The following GAREM1 variants were observed in gnomAD, a reference collection of about 807,000 sequenced individuals.
The protein encoded by GAREM1 is GRB2-associated and regulator of MAPK protein 1.
In GAREM1, 26 loss-of-function variants were observed where a neutral mutation model predicts 71.3. The observed-to-expected ratio is 0.36, with a 90% CI of 0.27 to 0.51. GAREM1 has a LOEUF of 0.51. Among genes scored for constraint, GAREM1 ranks in the 20% least tolerant of loss-of-function variants. The pLI is 0.95. For missense variants in GAREM1, 1,026 were observed against 1,103.1 expected (o/e 0.93, Z 0.99); for synonymous variants, 440 against 433.2 (o/e 1.02, Z -0.20).
chr18:32,435,788 G>A (rs2048670790), intron 1 of GAREM1, among the ~76,000 whole-genome samples: 1 of 152,220 alleles, frequency 6.6e-6, no homozygotes, highest in African/African-American at 2.4e-5. Context: ...TGGGAGGGGT[G>A]AAAGGCAGGT....
chr18:32,431,126 G>C (rs1415975480), intron 1 of GAREM1, among the ~76,000 whole-genome samples: 2 of 152,178 alleles, frequency 1.3e-5, no homozygotes, highest in African/African-American at 2.4e-5. Flanking sequence ...TGGTTACTGA[G>C]TGGTGCACAC....
In GAREM1 at chr18:32,332,986, A is replaced by AT. The variant is rs1471139413; in HGVS notation, c.263-22664_263-22663insA. ...GGAGAGGAGGGTGCCGTTAGGGGAG[A>AT]ATTTTTTTTTTTTCTTTAGAGAAGC... On this transcript the variant is annotated intron_variant, in intron 2 of 5. Coordinates refer to ENST00000269209, the MANE Select transcript of GAREM1 (RefSeq NM_001242409.2). 1.4e-3 allele frequency among the ~76,000 whole-genome samples: 204 copies of AT among 149,442 alleles called. 1 individual carries two copies. Among genetic ancestry groups the AT allele is most frequent in the African/African-American group, 4.8e-3 (193 of 39,992 alleles).
chr18:32,384,118 C>T (rs374330884), intron 2 of GAREM1, among the ~76,000 whole-genome samples: 1 of 152,156 alleles, frequency 6.6e-6, no homozygotes, highest in East Asian at 1.9e-4. Context: ...AACTTTACCC[C>T]CCTTTAATAA....
intron 2 of GAREM1, among the ~76,000 whole-genome samples, chr18:32,339,576 A>C (rs1328411703): frequency 2.6e-5 from 4 of 152,208 alleles, no homozygotes; most frequent in African/African-American, 7.2e-5. Flanking sequence ...CACCTACAGC[A>C]TCCACTTTGT....
chr18:32,414,444 G>C (rs148891759), intron 1 of GAREM1, among the ~76,000 whole-genome samples: 1 of 151,672 alleles, frequency 6.6e-6, no homozygotes, highest in African/African-American at 2.4e-5. Context: ...GAAGTATGTG[G>C]TTACATAAAA....
chr18:32,376,907 C>G (rs2048035670), intron 2 of GAREM1, among the ~76,000 whole-genome samples: 1 of 152,112 alleles, frequency 6.6e-6, no homozygotes, highest in Non-Finnish European at 1.5e-5. Context: ...AAAACACTAG[C>G]AACAGCTGCA....
At chr18:32,404,734 AT>A (rs1418805664) in intron 1 of GAREM1, among the ~76,000 whole-genome samples, 1 of 152,234 alleles carries the variant, frequency 6.6e-6, no homozygotes, top group Non-Finnish European at 1.5e-5. Context: ...TTTTTAAAGA[AT>A]GTTTTTATTC....
At chr18:32,378,064 G>GCA (rs1567986710) in intron 2 of GAREM1, among the ~76,000 whole-genome samples, 5 of 123,756 alleles carry the variant, frequency 4.0e-5, no homozygotes, top group African/African-American at 1.7e-4. Context: ...GTGTGCGCGC[G>GCA]GGCGCTTTGG....
At chr18:32,418,521 A>C (rs2048487004) in intron 1 of GAREM1, among the ~76,000 whole-genome samples, 1 of 152,198 alleles carries the variant, frequency 6.6e-6, no homozygotes, top group South Asian at 2.1e-4. Context: ...TAAAATCACC[A>C]AGAATTAACT....
rs560320702 is a variant in GAREM1 at position 32,347,766 on chromosome 18, A to G, written c.263-37443T>C. 4.3e-4 allele frequency among the ~76,000 whole-genome samples: 65 copies of G among 152,350 alleles called. No individual in the cohort carries two copies. In the South Asian group the frequency reaches 7.0e-3, roughly 17 times the overall value. ...AATAGTATATCAGAGTTTATAAGAC[A>G]GTTCTTATCCATATAGAGACAATGG... On this transcript the variant is annotated intron_variant, in intron 2 of 5. Transcript: ENST00000269209.
intron 4 of GAREM1, among the ~76,000 whole-genome samples, chr18:32,282,269 A>T (rs941105508): frequency 6.6e-6 from 1 of 152,142 alleles, no homozygotes; most frequent in Non-Finnish European, 1.5e-5. Flanking sequence ...AATAAAATTT[A>T]AAAAAACTTA....
At chr18:32,314,745 T>A (rs191844298) in intron 2 of GAREM1, among the ~76,000 whole-genome samples, 9 of 152,044 alleles carry the variant, frequency 5.9e-5, no homozygotes, top group Non-Finnish European at 1.2e-4. Context: ...TGCACCACCA[T>A]GCCTGGCTAA....
At chr18:32,317,605 T>C (rs1483667021) in intron 2 of GAREM1, among the ~76,000 whole-genome samples, 2 of 151,488 alleles carry the variant, frequency 1.3e-5, no homozygotes, top group African/African-American at 4.8e-5. Flanking sequence ...ATTAAAAGAA[T>C]AATGTAAATA....
At chr18:32,450,085 T>C (rs1212609038) in intron 1 of GAREM1, among the ~76,000 whole-genome samples, 1 of 152,200 alleles carries the variant, frequency 6.6e-6, no homozygotes, top group Non-Finnish European at 1.5e-5. Flanking sequence ...AGAATATTAT[T>C]ACAGTAAGGT....
In GAREM1 at chr18:32,420,365, G is replaced by GA. The variant is rs1187302801; in HGVS notation, c.122-27331dup. Among the ~76,000 whole-genome samples the GA allele has an allele frequency of 3.3e-3, 472 of 143,650 alleles. 2 individuals carry two copies. Among genetic ancestry groups the GA allele is most frequent in the African/African-American group, 4.0e-3 (158 of 39,344 alleles). 94.2% of individuals were successfully genotyped at this position (143,650 alleles called of 152,430 possible). On this transcript the variant is annotated intron_variant, in intron 1 of 5. Transcript: ENST00000269209. ...GGGACCAGAAAATATTTAAAAATAG[G>GA]AAAAAAAAAAACCCTGCTGGCCACT... is the stretch of plus-strand genomic sequence containing the variant.
At chr18:32,382,232 GACAA>G (rs1331085061) in intron 2 of GAREM1, among the ~76,000 whole-genome samples, 2 of 152,188 alleles carry the variant, frequency 1.3e-5, no homozygotes, top group African/African-American at 2.4e-5. Flanking sequence ...GTGACAGCAA[GACAA>G]ACAGTCATGG....
At chr18:32,311,519 A>G (rs1319882739) in intron 2 of GAREM1, among the ~76,000 whole-genome samples, 1 of 152,188 alleles carries the variant, frequency 6.6e-6, no homozygotes, top group African/African-American at 2.4e-5. Context: ...GAGAAATGCT[A>G]TTAAATTTAG....
At chr18:32,413,287 C>T in intron 1 of GAREM1, 1 of 1,328,808 alleles carries the variant, frequency 7.5e-7, no homozygotes, top group Non-Finnish European at 1.1e-6. Context: ...GAGTCACTCA[C>T]ATTAAGTAGA....
chr18:32,287,769 G>A lies in GAREM1; in HGVS notation c.828C>T (p.Ile276=), dbSNP rs776105802. 3 of 1,613,660 alleles carry A rather than the reference G, an allele frequency of 1.9e-6. No homozygotes were observed. In the African/African-American group the frequency reaches 4.0e-5, roughly 22 times the overall value. ...AGCAAACCACCACCGTCTTGGTCTG[G>A]ATGTTCACAAACTTATAGCGGTGCC... ...REGHRYKFVN[I]QTKTVVVCCV... Residue 276 remains isoleucine, a synonymous_variant, in exon 4 of 6, where the codon ATC becomes ATT. Coordinates refer to ENST00000269209, the MANE Select transcript of GAREM1 (RefSeq NM_001242409.2). The surrounding 1 kb of genome is among the most constrained non-coding windows in gnomAD (Gnocchi z 5.9).
Sources: gnomAD v4.1 joint callset for allele counts (sites outside exome capture counted in the v4.1 genomes callset) on GRCh38, gnomAD v4.1.1 for gene constraint, Gnocchi (gnomAD v3.1) non-coding constraint, MANE v1.5 for transcripts, NCBI Gene and HGNC (gene_info 2026-07-23, HGNC 2026-07-21) for gene names.